SLC6A15: variants seen among roughly 807,000 people sequenced by gnomAD.
The protein encoded by SLC6A15 is sodium-dependent neutral amino acid transporter B(0)AT2.
Under a neutral mutation model 68.5 loss-of-function variants are expected in SLC6A15, and 33 were observed. The ratio of observed to expected loss-of-function variants is 0.48; its 90% CI spans 0.37 to 0.64. SLC6A15 has a LOEUF of 0.64. Among genes scored for constraint, SLC6A15 ranks in the 30% least tolerant of loss-of-function variants. The pLI is 0.00. For synonymous variants in SLC6A15, 347 were observed against 301.0 expected (o/e 1.15, Z -1.58); for missense variants, 747 against 874.3 (o/e 0.85, Z 1.84).
intron 10 of SLC6A15, among the ~76,000 whole-genome samples, chr12:84,865,703 A>C (rs1871035128): frequency 6.6e-6 from 1 of 152,200 alleles, no homozygotes; most frequent in Admixed American, 6.5e-5. Flanking sequence ...ATATAGGGGA[A>C]TCTTACAATA....
intron 6 of SLC6A15, among the ~76,000 whole-genome samples, chr12:84,875,698 A>G (rs1871497603): frequency 1.3e-3 from 2 of 1,516 alleles, no homozygotes; most frequent in Admixed American, 5.1e-3. Context: ...ATATATATAT[A>G]TGAGAATCAA....
chr12:84,885,629 C>CATAAAATGTTAA, intron 3 of SLC6A15, 68 bp from the exon 4 acceptor site: 1 of 1,431,818 alleles, frequency 7.0e-7, no homozygotes, highest in Non-Finnish European at 9.5e-7. Flanking sequence ...AGATCAAATG[C>CATAAAATGTTAA]ATAAAATTTT....
intron 9 of SLC6A15, among the ~76,000 whole-genome samples, chr12:84,869,425 G>GTCA: frequency 6.6e-5 from 9 of 136,426 alleles, no homozygotes; most frequent in African/African-American, 2.5e-4. Flanking sequence ...TCGCACTACT[G>GTCA]CTGCACTCCA....
In SLC6A15 at chr12:84,880,751, G is replaced by A. The variant is rs574422488; in HGVS notation, c.756+3108C>T. On this transcript the variant is annotated intron_variant, in intron 5 of 11. Coordinates refer to ENST00000266682, the MANE Select transcript of SLC6A15 (RefSeq NM_182767.6). The stretch of plus-strand genomic sequence containing the variant: ...ACAACTATTATGCCTGTCAAAGCAA[G>A]TACGTTAGTAAGAGAGACTATTTTA... 4 of 303,932 alleles carry A rather than the reference G, an allele frequency of 1.3e-5. No individual in the cohort carries two copies. In the South Asian group the frequency reaches 5.2e-4, roughly 40 times the overall value. The allele number at this position is 303,932 out of a possible 1,614,324, so 18.8% of individuals were successfully genotyped here. A position where few individuals can be genotyped will look rare whatever the true frequency, so the allele number is the denominator to read the frequency against.
intron 1 of SLC6A15, among the ~76,000 whole-genome samples, chr12:84,908,552 T>C (rs1322812242): frequency 6.7e-6 from 1 of 149,928 alleles, no homozygotes; most frequent in Non-Finnish European, 1.5e-5. Context: ...ATTTATATTT[T>C]GAATACAAAA....
intron 2 of SLC6A15, among the ~76,000 whole-genome samples, chr12:84,890,437 T>G (rs542567006): frequency 6.6e-6 from 1 of 152,124 alleles, no homozygotes; most frequent in East Asian, 1.9e-4. Flanking sequence ...ATTCTGCTAG[T>G]CTTGGCAAAT....
intron 10 of SLC6A15, among the ~76,000 whole-genome samples, chr12:84,865,503 G>C (rs1294465757): frequency 6.6e-6 from 1 of 152,172 alleles, no homozygotes. Context: ...GGAATTCACT[G>C]TTTGTGTAGT....
At chr12:84,880,949 T>A in intron 5 of SLC6A15, 1 of 895,270 alleles carries the variant, frequency 1.1e-6, no homozygotes, top group Non-Finnish European at 1.3e-6. Context: ...CATGTATTGG[T>A]TGCTTAATTC....
chr12:84,885,804 T>C, intron 3 of SLC6A15, 107 bp downstream of exon 3: 1 of 1,196,492 alleles, frequency 8.4e-7, no homozygotes, highest in Non-Finnish European at 1.2e-6. Flanking sequence ...TAAAACATAG[T>C]AAAAGAGTTG....
chr12:84,903,235 T>C (rs1872969550), intron 1 of SLC6A15, among the ~76,000 whole-genome samples: 2 of 152,242 alleles, frequency 1.3e-5, no homozygotes, highest in South Asian at 4.1e-4. Context: ...ATTTCTGAAG[T>C]AGACAAAAAG....
In SLC6A15 at chr12:84,891,998, A is replaced by C; in HGVS notation, c.123T>G (p.Val41=). 1 of 1,614,096 alleles carries C rather than the reference A, an allele frequency of 6.2e-7. No homozygotes were observed. Among genetic ancestry groups the C allele is most frequent in the Non-Finnish European group, 8.5e-7 (1 of 1,179,986 alleles). ...DDAFKTSELI[V]DGQEEKDTDV... is the part of the protein sequence containing the mutation. ...CTGTATCTTTCTCTTCCTGGCCATCAACAATTAGTTCACTTGTCTTAAAAG... is the reference window on the plus strand; with the variant it reads ...CTGTATCTTTCTCTTCCTGGCCATCCACAATTAGTTCACTTGTCTTAAAAG... The change falls in exon 2 of 12, where the codon GTT becomes GTG. Residue 41 remains valine, a synonymous_variant. Transcript: ENST00000266682.
At chr12:84,865,335 G>T (rs1198627742) in intron 10 of SLC6A15, among the ~76,000 whole-genome samples, 1 of 152,126 alleles carries the variant, frequency 6.6e-6, no homozygotes, top group African/African-American at 2.4e-5. Flanking sequence ...CAGCAAAATT[G>T]AGCTGAAAGT....
chr12:84,903,934 G>GAATATGTTT (rs1441722972), intron 1 of SLC6A15, among the ~76,000 whole-genome samples: 1 of 152,064 alleles, frequency 6.6e-6, no homozygotes, highest in Non-Finnish European at 1.5e-5. Context: ...TAAAGGCACT[G>GAATATGTTT]AATATGTTTT....
intron 9 of SLC6A15, 174 bp from the exon 10 acceptor site, chr12:84,867,367 G>C: frequency 2.5e-6 from 1 of 400,324 alleles, no homozygotes; most frequent in East Asian, 3.9e-5. Flanking sequence ...TAGGTTACCT[G>C]GGTGTAGCCT....
intron 10 of SLC6A15, 25 bp from the exon 11 acceptor site, chr12:84,863,626 T>G (rs771979171): frequency 4.0e-5 from 59 of 1,469,412 alleles, no homozygotes; most frequent in Non-Finnish European, 5.2e-5. Context: ...AGTATTTAAT[T>G]ATTCCTTAAT....
intron 3 of SLC6A15, 91 bp downstream of exon 3, chr12:84,885,820 T>C: frequency 7.7e-7 from 1 of 1,304,696 alleles, no homozygotes; most frequent in Non-Finnish European, 1.1e-6. Context: ...AGTTGTTTAT[T>C]AACACACACT....
chr12:84,864,858 G>T lies in SLC6A15; in HGVS notation c.1656-1257C>A, dbSNP rs550911770. The stretch of plus-strand genomic sequence containing the variant: ...TATAATATAATACCCACCTTTGAGG[G>T]TTATTACTAGAACCATAAACAATGG... On this transcript the variant is annotated intron_variant, in intron 10 of 11. Transcript: ENST00000266682. 2.6e-5 allele frequency among the ~76,000 whole-genome samples: 4 copies of T among 151,966 alleles called. No homozygotes were observed. The South Asian group carries it at 6.2e-4, about 24-fold the overall frequency.
chr12:84,863,966 ATAT>A (rs1264540755), intron 10 of SLC6A15, among the ~76,000 whole-genome samples: 15 of 151,216 alleles, frequency 9.9e-5, no homozygotes, highest in African/African-American at 2.9e-4. Context: ...TACTGCTTAA[ATAT>A]TATTAAGAAA....
intron 1 of SLC6A15, among the ~76,000 whole-genome samples, chr12:84,911,643 G>T (rs928520022): frequency 6.6e-6 from 1 of 152,310 alleles, no homozygotes; most frequent in African/African-American, 2.4e-5. Flanking sequence ...CGCCTCGGGC[G>T]TCTTGATTCA....
Sources: gnomAD v4.1 joint callset for allele counts (sites outside exome capture counted in the v4.1 genomes callset) on GRCh38, gnomAD v4.1.1 for gene constraint, MANE v1.5 for transcripts, NCBI Gene and HGNC (gene_info 2026-07-23, HGNC 2026-07-21) for gene names.